PTPN12: variants seen among roughly 807,000 people sequenced by gnomAD.
PTPN12 encodes the protein protein tyrosine phosphatase non-receptor type 12, also known as tyrosine-protein phosphatase non-receptor type 12.
A neutral mutation model predicts 97.6 loss-of-function variants in PTPN12; 29 were observed. That is an observed-to-expected ratio of 0.30 (90% CI 0.22 to 0.41). The LOEUF is 0.41. PTPN12 is among the 10% of genes least tolerant of loss of function. The pLI is 1.00. For synonymous variants in PTPN12, 327 were observed against 300.4 expected (o/e 1.09, Z -0.91); for missense variants, 819 against 926.0 (o/e 0.88, Z 1.50).
chr7:77,638,497 A>G, intron 16 of PTPN12, 127 bp from the exon 17 acceptor site: 1 of 1,285,782 alleles, frequency 7.8e-7, no homozygotes, highest in South Asian at 2.9e-5. Flanking sequence ...TTGACCTGTA[A>G]AATTATGGTG....
chr7:77,615,145 A>C (rs2089776181), intron 11 of PTPN12, among the ~76,000 whole-genome samples: 1 of 152,214 alleles, frequency 6.6e-6, no homozygotes, highest in Non-Finnish European at 1.5e-5. Context: ...CGTTACAAGT[A>C]CTGTCAACAC....
At chr7:77,578,772 T>C (rs974900300) in intron 2 of PTPN12, among the ~76,000 whole-genome samples, 1 of 152,318 alleles carries the variant, frequency 6.6e-6, no homozygotes, top group African/African-American at 2.4e-5. Context: ...ATTTTACATG[T>C]TATATGTTAT....
rs1265896337 is a variant in PTPN12, at chr7:77,549,265, G to GA, written c.99+11628dup. Among the ~76,000 whole-genome samples the GA allele has an allele frequency of 5.3e-5, 8 of 151,760 alleles. No individual in the cohort carries two copies. The East Asian group carries it at 1.5e-3, about 29-fold the overall frequency. ...AGTAGAGAATCCTTGAAGCAAAATTGAAAAAAAATTTACTATTTTAAGGTT... is the reference window on the plus strand; with the variant it reads ...AGTAGAGAATCCTTGAAGCAAAATTGAAAAAAAAATTTACTATTTTAAGGTT... On this transcript the variant is annotated intron_variant, in intron 1 of 17. Coordinates refer to ENST00000248594, the MANE Select transcript of PTPN12 (RefSeq NM_002835.4).
At chr7:77,566,172 C>T (rs550976658) in intron 1 of PTPN12, among the ~76,000 whole-genome samples, 1 of 152,182 alleles carries the variant, frequency 6.6e-6, no homozygotes, top group African/African-American at 2.4e-5. Context: ...AGGGTTACTG[C>T]TAGTCATAGT....
chr7:77,583,562 A>G lies in PTPN12; in HGVS notation c.293A>G (p.Tyr98Cys), dbSNP rs149279587. The G allele has an allele frequency of 4.4e-5, 70 of 1,601,822 alleles. No individual in the cohort carries two copies. In the Middle Eastern group the frequency reaches 1.0e-3, roughly 23 times the overall value. ...YINANFIKGV[Y>C]GPKAYVATQG... ...GCTTTTAACCATTTTTAGGGCGTCT[A>G]TGGGCCAAAAGCATATGTAGCAACT... The change falls in exon 4 of 18, where the codon TAT becomes TGT. Residue 98 changes from tyrosine (Y) to cysteine (C), a missense_variant. Coordinates refer to ENST00000248594, the MANE Select transcript of PTPN12 (RefSeq NM_002835.4).
At chr7:77,549,234 G>C (rs1436582606) in intron 1 of PTPN12, among the ~76,000 whole-genome samples, 1 of 152,138 alleles carries the variant, frequency 6.6e-6, no homozygotes, top group Non-Finnish European at 1.5e-5. Context: ...AGTCCAAAGA[G>C]TGTCTAGTAG....
intron 2 of PTPN12, among the ~76,000 whole-genome samples, chr7:77,571,758 G>C (rs1235660241): frequency 6.6e-6 from 1 of 151,858 alleles, no homozygotes; most frequent in Non-Finnish European, 1.5e-5. Context: ...GGTTCTCACT[G>C]TGTTCCCCAG....
intron 1 of PTPN12, among the ~76,000 whole-genome samples, chr7:77,565,427 G>A (rs1223333810): frequency 6.6e-6 from 1 of 152,200 alleles, no homozygotes; most frequent in Non-Finnish European, 1.5e-5. Flanking sequence ...ATGAGTGTTA[G>A]GTTTTTGGCT....
intron 12 of PTPN12, among the ~76,000 whole-genome samples, chr7:77,621,581 A>G (rs2151387557): frequency 6.6e-6 from 1 of 152,118 alleles, no homozygotes; most frequent in South Asian, 2.1e-4. Flanking sequence ...AGGCAAAAGA[A>G]TTGCTTGAAC....
At chr7:77,630,685 T>TA (rs1435426326) in intron 13 of PTPN12, among the ~76,000 whole-genome samples, 1 of 152,038 alleles carries the variant, frequency 6.6e-6, no homozygotes, top group African/African-American at 2.4e-5. Context: ...TATTGATACC[T>TA]AAAAAAAACT....
chr7:77,601,505 A>G (rs1243883491), intron 8 of PTPN12, among the ~76,000 whole-genome samples: 1 of 152,136 alleles, frequency 6.6e-6, no homozygotes, highest in Admixed American at 6.5e-5. Context: ...GCCTGGCAAC[A>G]TGACTTTCTT....
intron 9 of PTPN12, among the ~76,000 whole-genome samples, chr7:77,609,801 A>G (rs1443129625): frequency 2.6e-5 from 4 of 151,836 alleles, no homozygotes; most frequent in Non-Finnish European, 5.9e-5. Context: ...GAATGGCGTG[A>G]ACCCGGGAGG....
intron 12 of PTPN12, among the ~76,000 whole-genome samples, chr7:77,621,085 G>T (rs1417608433): frequency 6.6e-6 from 1 of 151,452 alleles, no homozygotes; most frequent in Non-Finnish European, 1.5e-5. Context: ...TATGTGTTGT[G>T]TGTATATTTC....
chr7:77,599,065 A>G (rs1242987386), intron 7 of PTPN12, among the ~76,000 whole-genome samples: 1 of 151,492 alleles, frequency 6.6e-6, no homozygotes, highest in African/African-American at 2.4e-5. Flanking sequence ...TAGTCTTGAC[A>G]TTTATGCTTA....
chr7:77,596,836 G>A (rs1156859715), intron 6 of PTPN12, among the ~76,000 whole-genome samples: 3 of 152,142 alleles, frequency 2.0e-5, no homozygotes, highest in Non-Finnish European at 4.4e-5. Flanking sequence ...CCCTACCAGA[G>A]CAGTCTCTTT....
chr7:77,632,090 C>T (rs1789418018), intron 13 of PTPN12, among the ~76,000 whole-genome samples: 1 of 152,170 alleles, frequency 6.6e-6, no homozygotes, highest in Admixed American at 6.5e-5. Context: ...CTGAAGATTC[C>T]CTTCAGGCTT....
rs1256883249 is a variant in PTPN12, at chr7:77,537,518, A to G, written c.-29A>G. 1.9e-6 allele frequency: 3 copies of G among 1,562,824 alleles called. No individual in the cohort carries two copies. The highest frequency in any genetic ancestry group is 3.7e-5 in the Admixed American group (2 of 54,258). On this transcript the variant is annotated 5_prime_UTR_variant, in exon 1 of 18. Coordinates refer to ENST00000248594, the MANE Select transcript of PTPN12 (RefSeq NM_002835.4). ...CGGGCGGGCGGGCGGCGGGGGGGCC[A>G]GCGACCGCAGCCGGGGGGACGCGGG...
At chr7:77,615,590 A>AT (rs922943103) in intron 11 of PTPN12, among the ~76,000 whole-genome samples, 30 of 151,710 alleles carry the variant, frequency 2.0e-4, no homozygotes, top group African/African-American at 2.7e-4. Flanking sequence ...ATACAAAACA[A>AT]TTTTTTTTTA....
At chr7:77,546,339 GA>G (rs1322548410) in intron 1 of PTPN12, among the ~76,000 whole-genome samples, 1 of 151,962 alleles carries the variant, frequency 6.6e-6, no homozygotes, top group East Asian at 1.9e-4. Context: ...AATATCACAA[GA>G]AAAAAAGCCT....
Sources: allele counts gnomAD v4.1 joint callset (sites outside exome capture counted in the v4.1 genomes callset), GRCh38; gene constraint gnomAD v4.1.1; transcripts MANE v1.5; gene names NCBI Gene and HGNC (gene_info 2026-07-23, HGNC 2026-07-21).